KLHL2: variants seen among roughly 807,000 people sequenced by gnomAD.
KLHL2 encodes kelch-like protein 2.
KLHL2 carries 15 observed loss-of-function variants against 75.8 expected under a neutral mutation model. The observed-to-expected ratio is 0.20, with a 90% CI of 0.13 to 0.30. KLHL2 has a LOEUF of 0.30. Ranked by LOEUF, KLHL2 falls within the 10% of genes least tolerant of loss-of-function variation. The probability of loss-of-function intolerance (pLI) is 1.00; values close to 1 mark genes in which losing one functional copy is unlikely to be tolerated. For synonymous variants in KLHL2, 214 were observed against 251.9 expected (o/e 0.85, Z 1.42); for missense variants, 381 against 741.0 (o/e 0.51, Z 5.64).
At chr4:165,282,782 A>T (rs887714966) in intron 5 of KLHL2, among the ~76,000 whole-genome samples, 1 of 146,980 alleles carries the variant, frequency 6.8e-6, no homozygotes, top group East Asian at 1.9e-4. Flanking sequence ...AGTGAAAAAG[A>T]TTTTAGAGCA....
intron 4 of KLHL2, among the ~76,000 whole-genome samples, chr4:165,243,755 G>A (rs1334282413): frequency 1.3e-5 from 2 of 152,188 alleles, no homozygotes; most frequent in Non-Finnish European, 2.9e-5. Context: ...TGTATAGATA[G>A]TGTTTTACTC....
intron 1 of KLHL2, among the ~76,000 whole-genome samples, chr4:165,208,135 C>T (rs922724442): frequency 6.6e-6 from 1 of 151,928 alleles, no homozygotes; most frequent in South Asian, 2.1e-4. Context: ...GGGTCTTCCC[C>T]ATCTCGGGCG....
At chr4:165,225,705 A>T (rs1184288803) in intron 2 of KLHL2, among the ~76,000 whole-genome samples, 1 of 152,232 alleles carries the variant, frequency 6.6e-6, no homozygotes, top group Non-Finnish European at 1.5e-5. Flanking sequence ...ACACACACTG[A>T]TATACACTCA....
chr4:165,269,406 T>A (rs1742500170), intron 5 of KLHL2, among the ~76,000 whole-genome samples: 1 of 152,214 alleles, frequency 6.6e-6, no homozygotes, highest in Non-Finnish European at 1.5e-5. Context: ...CTTCATAGCA[T>A]CCATGGTCTT....
chr4:165,284,030 C>G (rs1005055825), intron 5 of KLHL2, among the ~76,000 whole-genome samples: 1 of 152,160 alleles, frequency 6.6e-6, no homozygotes, highest in African/African-American at 2.4e-5. Context: ...GCACCGTGTC[C>G]TTAGGCTGCA....
intron 4 of KLHL2, among the ~76,000 whole-genome samples, chr4:165,240,831 A>T (rs1739763165): frequency 6.6e-6 from 1 of 152,342 alleles, no homozygotes. Flanking sequence ...TTTAGGCCTT[A>T]GAGACTAAAC....
chr4:165,240,789 T>TG (rs1248358702), intron 4 of KLHL2, among the ~76,000 whole-genome samples: 1 of 152,224 alleles, frequency 6.6e-6, no homozygotes, highest in Non-Finnish European at 1.5e-5. Flanking sequence ...ATTCACATAA[T>TG]GGGCCACATG....
intron 7 of KLHL2, among the ~76,000 whole-genome samples, chr4:165,298,953 C>T (rs1237913435): frequency 2.8e-5 from 4 of 143,260 alleles, no homozygotes; most frequent in Non-Finnish European, 4.6e-5. Context: ...CCCCTCCCCC[C>T]CCAGAAAAAA....
At chr4:165,305,079 C>T (rs774531416) in intron 8 of KLHL2, among the ~76,000 whole-genome samples, 24 of 152,250 alleles carry the variant, frequency 1.6e-4, no homozygotes, top group Admixed American at 5.9e-4. Context: ...ACTGGAGATT[C>T]GGGAATCTGT....
intron 3 of KLHL2, among the ~76,000 whole-genome samples, chr4:165,230,951 C>T (rs1377007281): frequency 6.6e-6 from 1 of 152,208 alleles, no homozygotes; most frequent in East Asian, 1.9e-4. Context: ...TGTATTACAA[C>T]TAACTAGTAG....
intron 1 of KLHL2, chr4:165,219,581 G>T (rs77683022): frequency 0.013 from 7,423 of 559,336 alleles, 40 homozygotes; most frequent in Non-Finnish European, 0.015. Context: ...TGTTAATAAC[G>T]TATGACTATA....
chr4:165,227,920 CAG>C lies in KLHL2; in HGVS notation c.153-884_153-883del, dbSNP rs1305259155. On this transcript the variant is annotated intron_variant, in intron 2 of 14. Transcript: ENST00000226725. ...AAATGCTTTTTTTTTTTTTTTGAAA[CAG>C]AGTCTCACTCTGTCACCCAGGCTGG... Among the ~76,000 whole-genome samples, 43 of 142,756 alleles carry C rather than the reference CAG, an allele frequency of 3.0e-4. 1 individual carries two copies. The highest frequency in any genetic ancestry group is 2.9e-3 in the Admixed American group (41 of 14,032). 93.7% of individuals were successfully genotyped at this position (142,756 alleles called of 152,430 possible).
chr4:165,322,174 C>A lies in KLHL2; in HGVS notation c.*114C>A. ...CTTGTAGCTGCACTTTAAGTCTCAG[C>A]AGAAGATACGATCGTCTGCCTTTAT... On this transcript the variant is annotated 3_prime_UTR_variant, in exon 15 of 15. Transcript: ENST00000226725. 1.0e-6 allele frequency: 1 copy of A among 1,003,280 alleles called. No homozygotes were observed. Among genetic ancestry groups the A allele is most frequent in the Middle Eastern group, 2.0e-4 (1 of 4,938 alleles). 62.1% of individuals were successfully genotyped at this position (1,003,280 alleles called of 1,614,324 possible).
chr4:165,225,147 G>A (rs1738333965), intron 2 of KLHL2, among the ~76,000 whole-genome samples: 3 of 152,096 alleles, frequency 2.0e-5, no homozygotes, highest in Admixed American at 1.3e-4. Flanking sequence ...TCTTTATTCT[G>A]TGCTATTTGA....
chr4:165,311,654 G>A, intron 11 of KLHL2, 89 bp downstream of exon 11: 1 of 828,520 alleles, frequency 1.2e-6, no homozygotes, highest in Non-Finnish European at 2.0e-6. Context: ...TTTTCTGAAT[G>A]GGCAAGCTAA....
intron 3 of KLHL2, among the ~76,000 whole-genome samples, chr4:165,236,345 A>G (rs1211357953): frequency 6.6e-6 from 1 of 152,212 alleles, no homozygotes; most frequent in African/African-American, 2.4e-5. Context: ...AATGGTAAGG[A>G]TAAACTATGT....
At chr4:165,240,707 A>G (rs1242780161) in intron 4 of KLHL2, among the ~76,000 whole-genome samples, 1 of 152,054 alleles carries the variant, frequency 6.6e-6, no homozygotes, top group East Asian at 1.9e-4. Flanking sequence ...CATTCTTTTT[A>G]TTCATTTTAG....
At chr4:165,292,295 T>C (rs1744575799) in intron 5 of KLHL2, among the ~76,000 whole-genome samples, 1 of 152,150 alleles carries the variant, frequency 6.6e-6, no homozygotes, top group Non-Finnish European at 1.5e-5. Context: ...ACAAACATTT[T>C]AGAGCTGCTT....
At chr4:165,312,424 A>ATT (rs386357612) in intron 11 of KLHL2, among the ~76,000 whole-genome samples, 10,141 of 127,156 alleles carry the variant, frequency 0.08, 422 homozygotes, top group Middle Eastern at 0.12. Flanking sequence ...TATTATTATT[A>ATT]TTATTTTTTT....
Sources: gnomAD v4.1 joint callset for allele counts (sites outside exome capture counted in the v4.1 genomes callset) on GRCh38, gnomAD v4.1.1 for gene constraint, MANE v1.5 for transcripts, NCBI Gene and HGNC (gene_info 2026-07-23, HGNC 2026-07-21) for gene names.